USP34: variants seen among roughly 807,000 people sequenced by gnomAD.
The protein encoded by USP34 is ubiquitin carboxyl-terminal hydrolase 34.
USP34 carries 70 observed loss-of-function variants against 460.3 expected under a neutral mutation model. The observed-to-expected ratio is 0.15, with a 90% CI of 0.13 to 0.19. USP34 has a LOEUF of 0.19. USP34 is among the 10% of genes least tolerant of loss of function. The pLI is 1.00. For synonymous variants in USP34, 1,647 were observed against 1,405.3 expected, an observed-to-expected ratio of 1.17 and a Z score of -3.85; for missense variants, 3,985 against 4,236.2, an observed-to-expected ratio of 0.94 and a Z score of 1.65.
chr2:61,450,188 A>G (rs1695232058), intron 1 of USP34, among the ~76,000 whole-genome samples: 1 of 152,240 alleles, frequency 6.6e-6, no homozygotes, highest in South Asian at 2.1e-4. Flanking sequence ...CAGTCACAAA[A>G]AAAACAAATA....
At chr2:61,409,908 C>G (rs964186524) in intron 2 of USP34, among the ~76,000 whole-genome samples, 1 of 152,052 alleles carries the variant, frequency 6.6e-6, no homozygotes, top group Non-Finnish European at 1.5e-5. Context: ...GGAACACACA[C>G]GTACACAAAT....
intron 58 of USP34, among the ~76,000 whole-genome samples, chr2:61,232,114 T>TAC (rs1053099290): frequency 1.3e-5 from 2 of 152,148 alleles, no homozygotes; most frequent in African/African-American, 4.8e-5. Context: ...TATAGTACCC[T>TAC]ACCATGGTTA....
At chr2:61,434,631 T>C (rs1694763385) in intron 1 of USP34, among the ~76,000 whole-genome samples, 1 of 152,188 alleles carries the variant, frequency 6.6e-6, no homozygotes, top group Non-Finnish European at 1.5e-5. Context: ...AACTCTCAAA[T>C]GTCACTAGTA....
At chr2:61,321,898 A>G (rs137906098) in intron 21 of USP34, among the ~76,000 whole-genome samples, 46 of 152,328 alleles carry the variant, frequency 3.0e-4, no homozygotes, top group Non-Finnish European at 3.5e-4. Context: ...TTCTCTGTAT[A>G]TAGGAGATAA....
rs971049647 is a variant in USP34, at chr2:61,447,141, G to C, written c.43+23509C>G. On this transcript the variant is annotated intron_variant, in intron 1 of 79. Coordinates refer to ENST00000398571, the MANE Select transcript of USP34 (RefSeq NM_014709.4). ...ATCGTGGCATGCACCTGCAGTCTCAGCTACTCGGGAGGCTGAGGCACCCGA... is the reference window on the plus strand; with the variant it reads ...ATCGTGGCATGCACCTGCAGTCTCACCTACTCGGGAGGCTGAGGCACCCGA... 2.0e-5 allele frequency among the ~76,000 whole-genome samples: 3 copies of C among 151,250 alleles called. No homozygotes were observed. In the East Asian group the frequency reaches 5.9e-4, roughly 30 times the overall value.
At chr2:61,285,212 G>C (rs1689651245) in intron 34 of USP34, among the ~76,000 whole-genome samples, 1 of 152,096 alleles carries the variant, frequency 6.6e-6, no homozygotes, top group African/African-American at 2.4e-5. Flanking sequence ...GCTGGGTATG[G>C]TGGCTCACTG....
At chr2:61,347,150 A>G (rs1454787059) in intron 15 of USP34, among the ~76,000 whole-genome samples, 1 of 151,356 alleles carries the variant, frequency 6.6e-6, no homozygotes, top group Non-Finnish European at 1.5e-5. Flanking sequence ...AAAGAAAAAA[A>G]GAAGAAGAAA....
intron 23 of USP34, among the ~76,000 whole-genome samples, chr2:61,315,390 G>C (rs76201945): frequency 2.3e-5 from 3 of 131,810 alleles, no homozygotes; most frequent in Non-Finnish European, 3.3e-5. Flanking sequence ...TTTTTTTTTT[G>C]AGAACAGAGT....
chr2:61,413,690 CAA>C (rs1220966215), intron 2 of USP34, among the ~76,000 whole-genome samples: 1 of 125,050 alleles, frequency 8.0e-6, no homozygotes. Context: ...AATAAAAAAA[CAA>C]AAGAGGCCGA....
chr2:61,458,517 C>A (rs1168864097), intron 1 of USP34, among the ~76,000 whole-genome samples: 3 of 133,574 alleles, frequency 2.2e-5, no homozygotes, highest in African/African-American at 8.5e-5. Context: ...GCCAAGATCA[C>A]ACCATTGCAC....
intron 15 of USP34, among the ~76,000 whole-genome samples, chr2:61,344,882 C>T (rs1228016004): frequency 2.6e-5 from 4 of 152,038 alleles, no homozygotes; most frequent in Admixed American, 6.5e-5. Flanking sequence ...TGAGGAGATG[C>T]TAGTGGAATC....
chr2:61,282,880 A>G (rs1355854427), intron 37 of USP34, among the ~76,000 whole-genome samples: 7 of 152,200 alleles, frequency 4.6e-5, no homozygotes, highest in Admixed American at 3.3e-4. Context: ...TACTACCTGG[A>G]AAAACTTTTT....
chr2:61,306,705 C>G (rs966519865), intron 27 of USP34, among the ~76,000 whole-genome samples: 3 of 152,236 alleles, frequency 2.0e-5, no homozygotes, highest in Non-Finnish European at 4.4e-5. Context: ...CCAAAAGACA[C>G]ATGAAAAAAT....
intron 27 of USP34, among the ~76,000 whole-genome samples, chr2:61,303,819 T>C (rs1343635546): frequency 6.6e-6 from 1 of 151,828 alleles, no homozygotes; most frequent in Non-Finnish European, 1.5e-5. Flanking sequence ...GATGGTGTTA[T>C]CTCCTGACCT....
chr2:61,239,238 T>C (rs976097793), intron 53 of USP34, among the ~76,000 whole-genome samples: 2 of 150,964 alleles, frequency 1.3e-5, no homozygotes, highest in African/African-American at 4.9e-5. Context: ...GAGTCACACA[T>C]CTTTCACCTT....
chr2:61,425,193 C>G (rs901420509), intron 1 of USP34, among the ~76,000 whole-genome samples: 1 of 151,896 alleles, frequency 6.6e-6, no homozygotes, highest in African/African-American at 2.4e-5. Context: ...CCCCCGCCAA[C>G]AAGGATACCA....
chr2:61,207,136 T>G (rs1476195716), intron 70 of USP34: 1 of 305,860 alleles, frequency 3.3e-6, no homozygotes, highest in East Asian at 6.4e-5. Context: ...TAATCACATT[T>G]TTTTAAAAAA....
At chr2:61,338,883 T>TA (rs1691506560) in intron 18 of USP34, among the ~76,000 whole-genome samples, 1 of 152,210 alleles carries the variant, frequency 6.6e-6, no homozygotes, top group African/African-American at 2.4e-5. Flanking sequence ...GATGAGTTAC[T>TA]AACCTAGTCT....
chr2:61,331,251 T>C (rs759098779), intron 20 of USP34, 25 bp downstream of exon 20: 4 of 1,576,932 alleles, frequency 2.5e-6, no homozygotes, highest in African/African-American at 2.7e-5. Flanking sequence ...CACAAATGTA[T>C]TTAACCCAGT....
Sources: gnomAD v4.1 joint callset for allele counts (sites outside exome capture counted in the v4.1 genomes callset) on GRCh38, gnomAD v4.1.1 for gene constraint, MANE v1.5 for transcripts, NCBI Gene and HGNC (gene_info 2026-07-23, HGNC 2026-07-21) for gene names.